ZNF610: variants seen among roughly 807,000 people sequenced by gnomAD.
ZNF610 encodes zinc finger protein 610.
A neutral mutation model predicts 14.1 loss-of-function variants in ZNF610; 14 were observed. The observed-to-expected ratio is 0.99, with a 90% confidence interval of 0.65 to 1.55. ZNF610 has a LOEUF of 1.55. ZNF610 is among the 40% of genes most tolerant of loss of function. The pLI is 0.00. For missense variants in ZNF610, 530 were observed against 558.0 expected (o/e 0.95, Z 0.51); for synonymous variants, 185 against 187.6 (o/e 0.99, Z 0.11).
At chr19:52,362,255 A>G (rs899531614) in intron 5 of ZNF610, among the ~76,000 whole-genome samples, 2 of 152,236 alleles carry the variant, frequency 1.3e-5, no homozygotes, top group African/African-American at 4.8e-5. Flanking sequence ...TACTAAAAAT[A>G]CGAAAGTTAG....
chr19:52,330,798 C>T, the ZNF610 span, among the ~76,000 whole-genome samples: 1 of 152,120 alleles, frequency 6.6e-6, no homozygotes, highest in African/African-American at 2.4e-5. Context: ...TTCCAGACCC[C>T]TTCTAGATTA....
chr19:52,349,795 C>T (rs1424231972), intron 3 of ZNF610, among the ~76,000 whole-genome samples: 1 of 151,922 alleles, frequency 6.6e-6, no homozygotes, highest in African/African-American at 2.4e-5. Context: ...GGTCTCGAAC[C>T]CCTGACCTCG....
chr19:52,365,763 C>T lies in ZNF610; in HGVS notation c.385C>T (p.Leu129Phe). 6.2e-7 allele frequency: 1 copy of T among 1,613,882 alleles called. No individual in the cohort carries two copies. The highest frequency in any genetic ancestry group is 8.5e-7 in the Non-Finnish European group (1 of 1,179,984). ...TATTAAAAATCAACTTGGATTAACC[C>T]TTGAGGCACATCTGTCTGAATTGCA... ...KPIKNQLGLT[L>F]EAHLSELQLF... The change falls in exon 6 of 6, where the codon CTT (leucine) becomes TTT (phenylalanine). Residue 129 changes from leucine to phenylalanine, a missense_variant. Leu to Phe is a conservative substitution (Grantham distance 22). Coordinates refer to ENST00000403906, the MANE Select transcript of ZNF610 (RefSeq NM_001161425.2).
chr19:52,338,014 GT>G (rs11337078), intron 1 of ZNF610, among the ~76,000 whole-genome samples: 19,893 of 152,180 alleles, frequency 0.13, 2,886 homozygotes, highest in African/African-American at 0.36. Flanking sequence ...ACCAAAATGT[GT>G]TGGGGATTAC....
Position 52,354,343 on chromosome 19 carries a change from A to G in ZNF610, c.283A>G (p.Thr95Ala). ...AAGTCAAGTTAAAATAGTAAAAAAT[A>G]CAGATGGAAGGGAATGTGTCAGAAG... ...LQSQVKIVKNTDGRECVRSVN... is the reference protein window; with the variant it reads ...LQSQVKIVKNADGRECVRSVN... The change falls in exon 5 of 6, where the codon ACA becomes GCA. Residue 95 changes from threonine to alanine, a missense_variant. By Grantham distance (58) the Thr-to-Ala change is moderately conservative. Transcript: ENST00000403906. The G allele has an allele frequency of 6.2e-7, 1 of 1,614,162 alleles. No homozygotes were observed. The highest frequency in any genetic ancestry group is 1.3e-5 in the African/African-American group (1 of 75,036).
intron 5 of ZNF610, among the ~76,000 whole-genome samples, chr19:52,364,751 T>G (rs1192247553): frequency 1.3e-5 from 2 of 152,194 alleles, no homozygotes; most frequent in Non-Finnish European, 2.9e-5. Context: ...CTAATTTTTG[T>G]GTTTTTAGCA....
In ZNF610 at chr19:52,340,178, A is replaced by G. The variant is rs151159257; in HGVS notation, c.-258+3672A>G. On this transcript the variant is annotated intron_variant, in intron 1 of 5. Transcript: ENST00000403906. Reference sequence around the variant, plus strand: ...CACTTTGGGAGGCTGACTCAGGCAGATCACTTGAGGTCAGGAGTTCGAGAC... The same window carrying G: ...CACTTTGGGAGGCTGACTCAGGCAGGTCACTTGAGGTCAGGAGTTCGAGAC... 2.8e-4 allele frequency among the ~76,000 whole-genome samples: 43 copies of G among 152,292 alleles called. No individual in the cohort carries two copies. In the East Asian group the frequency reaches 7.7e-3, roughly 27 times the overall value.
At chr19:52,342,607 C>T (rs1239692155) in intron 1 of ZNF610, among the ~76,000 whole-genome samples, 2 of 151,166 alleles carry the variant, frequency 1.3e-5, no homozygotes, top group African/African-American at 4.9e-5. Flanking sequence ...GGAACCTCTG[C>T]CTCCCGGGTT....
At chr19:52,361,225 C>A (rs1222438463) in intron 5 of ZNF610, among the ~76,000 whole-genome samples, 1 of 150,468 alleles carries the variant, frequency 6.6e-6, no homozygotes, top group African/African-American at 2.5e-5. Context: ...GTTGCCCAGG[C>A]TGGAGTGCAC....
chr19:52,365,854 C>T lies in ZNF610; in HGVS notation c.476C>T (p.Ser159Phe), dbSNP rs1420615716. Reference protein sequence around the residue: ...NQVEKFTNHRSSVSPLQKISS... With the variant: ...NQVEKFTNHRFSVSPLQKISS... ...GTTGAAAAGTTTACAAACCATCGTT[C>T]CTCAGTTTCACCACTTCAAAAAATT... is the stretch of plus-strand genomic sequence containing the variant. The change falls in exon 6 of 6, where the codon TCC (serine) becomes TTC (phenylalanine). Residue 159 changes from serine to phenylalanine, a missense_variant. Transcript: ENST00000403906. 1 of 1,614,064 alleles carries T rather than the reference C, an allele frequency of 6.2e-7. No homozygotes were observed. Among genetic ancestry groups the T allele is most frequent in the Admixed American group, 1.7e-5 (1 of 59,994 alleles).
intron 3 of ZNF610, among the ~76,000 whole-genome samples, chr19:52,352,405 A>G (rs181262626): frequency 2.0e-5 from 3 of 151,804 alleles, no homozygotes; most frequent in Non-Finnish European, 4.4e-5. Flanking sequence ...CGCCTGGCTA[A>G]TTTTGTATTT....
intron 5 of ZNF610, among the ~76,000 whole-genome samples, chr19:52,357,621 G>A (rs1256394396): frequency 5.1e-5 from 7 of 138,102 alleles, no homozygotes; most frequent in Non-Finnish European, 1.1e-4. Context: ...CTCCAGCCTG[G>A]GAGATAGAGC....
At chr19:52,365,065 G>C (rs1283196490) in intron 5 of ZNF610, among the ~76,000 whole-genome samples, 1 of 151,384 alleles carries the variant, frequency 6.6e-6, no homozygotes, top group Admixed American at 6.6e-5. Flanking sequence ...GGCCAACGTG[G>C]TGAAACCCCG....
chr19:52,346,890 G>A (rs1164310621), intron 1 of ZNF610, among the ~76,000 whole-genome samples: 1 of 151,578 alleles, frequency 6.6e-6, no homozygotes, highest in Non-Finnish European at 1.5e-5. Flanking sequence ...CCACCACTCC[G>A]AGCTAATTTT....
intron 3 of ZNF610, among the ~76,000 whole-genome samples, chr19:52,351,723 G>A (rs1031618538): frequency 6.6e-6 from 1 of 152,148 alleles, no homozygotes. Context: ...GTATCTGCCC[G>A]TGTAACTGCG....
intron 5 of ZNF610, among the ~76,000 whole-genome samples, chr19:52,356,433 A>C (rs1985526084): frequency 6.6e-6 from 1 of 152,154 alleles, no homozygotes; most frequent in South Asian, 2.1e-4. Flanking sequence ...ATGTATTATA[A>C]ATTAACTTGG....
Position 52,366,877 on chromosome 19 carries a change from G to C in ZNF610, c.*110G>C. The C allele has an allele frequency of 1.3e-6, 1 of 790,126 alleles. No individual in the cohort carries two copies. 48.9% of individuals were successfully genotyped at this position (790,126 alleles called of 1,614,324 possible). Reference sequence around the variant, plus strand: ...GGCAAAGAATTTAGTTTGCATTGAAGCCTCATCACTCATCTCTTGATCCAC... The same window carrying C: ...GGCAAAGAATTTAGTTTGCATTGAACCCTCATCACTCATCTCTTGATCCAC... On this transcript the variant is annotated 3_prime_UTR_variant, in exon 6 of 6. Coordinates refer to ENST00000403906, the MANE Select transcript of ZNF610 (RefSeq NM_001161425.2).
At chr19:52,352,756 G>A (rs547884216) in intron 3 of ZNF610, among the ~76,000 whole-genome samples, 69 of 151,832 alleles carry the variant, frequency 4.5e-4, no homozygotes, top group African/African-American at 1.7e-3. Flanking sequence ...CCCTGTTTCT[G>A]GCCTTAAATT....
intron 1 of ZNF610, among the ~76,000 whole-genome samples, chr19:52,339,445 TA>T (rs1408815127): frequency 6.8e-6 from 1 of 146,310 alleles, no homozygotes; most frequent in African/African-American, 2.8e-5. Flanking sequence ...TTCCACAGTG[TA>T]TTGTGTCCCT....
Sources: allele counts gnomAD v4.1 joint callset (sites outside exome capture counted in the v4.1 genomes callset), GRCh38; gene constraint gnomAD v4.1.1; transcripts MANE v1.5; gene names NCBI Gene and HGNC (gene_info 2026-07-23, HGNC 2026-07-21).